The following ELP4 variants were observed in gnomAD, a reference collection of about 807,000 sequenced individuals.
ELP4 encodes the protein elongator complex protein 4.
Under a neutral mutation model 48.9 loss-of-function variants are expected in ELP4, and 51 were observed. The observed-to-expected ratio is 1.04, with a 90% confidence interval of 0.83 to 1.32. The LOEUF is 1.32. Ranked by LOEUF, ELP4 falls within the 40% of genes most tolerant of loss-of-function variation. The probability of loss-of-function intolerance (pLI) is 0.00; values close to 1 mark genes in which losing one functional copy is unlikely to be tolerated. For missense variants in ELP4, 519 were observed against 514.6 expected (o/e 1.01, Z -0.08); for synonymous variants, 210 against 189.2 (o/e 1.11, Z -0.90).
Position 31,510,266 on chromosome 11 carries a change from C to A in ELP4, c.223+259C>A, listed in dbSNP as rs2133862177. On this transcript the variant is annotated intron_variant, in intron 1 of 9. Transcript: ENST00000640961. ...CCCCTTTTCATATTACGGAGGAATTCGTACATGCTTTTTACCCTGAAATGC... is the reference window on the plus strand; with the variant it reads ...CCCCTTTTCATATTACGGAGGAATTAGTACATGCTTTTTACCCTGAAATGC... The A allele has an allele frequency of 9.0e-6, 5 of 556,822 alleles. No homozygotes were observed. In the South Asian group the frequency reaches 1.0e-4, roughly 11 times the overall value. 34.5% of individuals were successfully genotyped at this position (556,822 alleles called of 1,614,324 possible).
At chr11:31,776,744 ATCAG>A (rs1482457527) in intron 9 of ELP4, among the ~76,000 whole-genome samples, 2 of 152,226 alleles carry the variant, frequency 1.3e-5, no homozygotes, top group Admixed American at 6.5e-5. Context: ...TAATTTTCAA[ATCAG>A]TCAGGAAGAA....
At chr11:31,769,214 AT>A (rs1948093011) in intron 9 of ELP4, among the ~76,000 whole-genome samples, 1 of 152,072 alleles carries the variant, frequency 6.6e-6, no homozygotes, top group Non-Finnish European at 1.5e-5. Flanking sequence ...TTACATTGCC[AT>A]TTCCACCGAG....
rs541622324 is a variant in ELP4 at position 31,661,372 on chromosome 11, A to C, written c.1143+11151A>C. ...ATCCAAGAAGAGCACTATTTCAAGT[A>C]ATCTTCTCTGCTTTTTATTTAGTTC... On this transcript the variant is annotated intron_variant, in intron 9 of 9. Coordinates refer to ENST00000640961, the MANE Select transcript of ELP4 (RefSeq NM_019040.5). 5.9e-5 allele frequency among the ~76,000 whole-genome samples: 9 copies of C among 152,178 alleles called. No homozygotes were observed. In the South Asian group the frequency reaches 1.9e-3, roughly 32 times the overall value.
At chr11:31,732,126 TA>T (rs1592261656) in intron 9 of ELP4, among the ~76,000 whole-genome samples, 1 of 152,222 alleles carries the variant, frequency 6.6e-6, no homozygotes, top group East Asian at 1.9e-4. Flanking sequence ...AGCTTGCTGA[TA>T]AAGGTAAATA....
chr11:31,631,415 G>A (rs775007092), intron 6 of ELP4, among the ~76,000 whole-genome samples: 2 of 151,972 alleles, frequency 1.3e-5, no homozygotes, highest in Middle Eastern at 3.2e-3. Flanking sequence ...TTTTGTTAAC[G>A]CCTTCTTCTT....
chr11:31,611,312 TTTAG>T (rs1245303020), intron 5 of ELP4, among the ~76,000 whole-genome samples: 1 of 152,252 alleles, frequency 6.6e-6, no homozygotes, highest in East Asian at 1.9e-4. Context: ...TTTATTTTTC[TTTAG>T]TTAATTTAAG....
intron 5 of ELP4, among the ~76,000 whole-genome samples, chr11:31,621,966 T>G (rs1944632197): frequency 6.6e-6 from 1 of 151,874 alleles, no homozygotes; most frequent in African/African-American, 2.4e-5. Context: ...GGCAAATTAT[T>G]TAGCCTCAGA....
chr11:31,608,352 G>A (rs531537439), intron 5 of ELP4, among the ~76,000 whole-genome samples: 2 of 152,156 alleles, frequency 1.3e-5, no homozygotes, highest in South Asian at 2.1e-4. Context: ...ATTTTCTAAC[G>A]GGGAAGATGG....
chr11:31,753,448 C>T (rs965425241), intron 9 of ELP4, among the ~76,000 whole-genome samples: 6 of 152,154 alleles, frequency 3.9e-5, no homozygotes, highest in Non-Finnish European at 8.8e-5. Flanking sequence ...ATGTCATACC[C>T]ATCAAATTGG....
chr11:31,609,470 G>A (rs942649370), intron 5 of ELP4, among the ~76,000 whole-genome samples: 1 of 151,994 alleles, frequency 6.6e-6, no homozygotes, highest in Non-Finnish European at 1.5e-5. Context: ...GTATATTTTT[G>A]GAGGGCCTCT....
intron 9 of ELP4, among the ~76,000 whole-genome samples, chr11:31,744,757 T>G (rs913521212): frequency 9.1e-4 from 139 of 152,104 alleles, no homozygotes; most frequent in Non-Finnish European, 1.8e-3. Flanking sequence ...ATAAGAGCTA[T>G]CTATGACAAA....
At chr11:31,571,820 C>G (rs1187699321) in intron 3 of ELP4, among the ~76,000 whole-genome samples, 2 of 152,140 alleles carry the variant, frequency 1.3e-5, no homozygotes, top group Non-Finnish European at 2.9e-5. Context: ...TTTTTCTGAG[C>G]AGTAGGTTTC....
At chr11:31,737,001 T>C (rs1016076317) in intron 9 of ELP4, among the ~76,000 whole-genome samples, 5 of 152,184 alleles carry the variant, frequency 3.3e-5, no homozygotes, top group Non-Finnish European at 7.3e-5. Flanking sequence ...CATGCTGCTA[T>C]AAAGACACAT....
chr11:31,601,713 A>G (rs529716465), intron 4 of ELP4, among the ~76,000 whole-genome samples: 4 of 152,238 alleles, frequency 2.6e-5, no homozygotes, highest in Admixed American at 2.6e-4. Flanking sequence ...CTCAAACTTA[A>G]AAGAAGTGAA....
intron 2 of ELP4, among the ~76,000 whole-genome samples, chr11:31,521,904 A>G (rs565243733): frequency 2.0e-5 from 3 of 152,292 alleles, no homozygotes; most frequent in East Asian, 3.9e-4. Context: ...CAACTCAGCC[A>G]TTGATTTCCC....
chr11:31,544,014 G>T (rs572269636), intron 3 of ELP4, among the ~76,000 whole-genome samples: 1 of 152,342 alleles, frequency 6.6e-6, no homozygotes, highest in Admixed American at 6.5e-5. Context: ...AAAGATCGGG[G>T]AGGAGCCAAG....
chr11:31,533,058 G>C (rs1956424826), intron 2 of ELP4, among the ~76,000 whole-genome samples: 1 of 152,112 alleles, frequency 6.6e-6, no homozygotes, highest in African/African-American at 2.4e-5. Flanking sequence ...TTACAGGCAT[G>C]AGCCACTGTG....
intron 9 of ELP4, among the ~76,000 whole-genome samples, chr11:31,679,273 GACTATACC>G (rs1226496346): frequency 1.3e-5 from 2 of 152,032 alleles, no homozygotes; most frequent in African/African-American, 4.8e-5. Context: ...CCATAATCAA[GACTATACC>G]ACATGTCTTG....
At chr11:31,616,473 T>C (rs562847558) in intron 5 of ELP4, among the ~76,000 whole-genome samples, 7 of 152,082 alleles carry the variant, frequency 4.6e-5, no homozygotes, top group Non-Finnish European at 1.0e-4. Context: ...ATTAAAATCC[T>C]GGAAGAAAAC....
Sources: allele counts gnomAD v4.1 joint callset (sites outside exome capture counted in the v4.1 genomes callset), GRCh38; gene constraint gnomAD v4.1.1; transcripts MANE v1.5; gene names NCBI Gene and HGNC (gene_info 2026-07-23, HGNC 2026-07-21).